Variants in PCBP3 observed in about 807,000 individuals in gnomAD.
PCBP3 encodes the protein poly(rC)-binding protein 3.
PCBP3 carries 25 observed loss-of-function variants against 52.7 expected under a neutral mutation model. The observed-to-expected ratio is 0.47, with a 90% CI of 0.35 to 0.66. The LOEUF (loss-of-function observed/expected upper bound fraction) is 0.66. PCBP3 is among the 30% of genes least tolerant of loss of function. The pLI is 0.01. For missense variants in PCBP3, 391 were observed against 490.3 expected, an observed-to-expected ratio of 0.80 and a Z score of 1.91; for synonymous variants, 162 against 183.0, an observed-to-expected ratio of 0.89 and a Z score of 0.93.
chr21:45,801,007 C>T (rs1569241135), intron 4 of PCBP3, among the ~76,000 whole-genome samples: 1 of 152,234 alleles, frequency 6.6e-6, no homozygotes, highest in Admixed American at 6.5e-5. Flanking sequence ...CCAGCATGCC[C>T]ACTCGCTCTG....
At chr21:45,733,326 G>A (rs1196369058) in intron 2 of PCBP3, among the ~76,000 whole-genome samples, 4 of 151,890 alleles carry the variant, frequency 2.6e-5, no homozygotes, top group African/African-American at 4.8e-5. Context: ...TCGCTCTGTC[G>A]CCCAGGCTGG....
At chr21:45,909,879 G>A (rs1417121207) in intron 10 of PCBP3, among the ~76,000 whole-genome samples, 2 of 50,548 alleles carry the variant, frequency 4.0e-5, no homozygotes, top group Non-Finnish European at 7.2e-5. Flanking sequence ...ATACGGACCC[G>A]GCCACCCACT....
chr21:45,856,898 C>G (rs1344600644), intron 5 of PCBP3, among the ~76,000 whole-genome samples: 2 of 152,158 alleles, frequency 1.3e-5, no homozygotes, highest in African/African-American at 2.4e-5. Flanking sequence ...TGAGGGCTTC[C>G]AGGCTATCAG....
At chr21:45,784,088 T>C (rs546294081) in intron 4 of PCBP3, among the ~76,000 whole-genome samples, 10 of 152,236 alleles carry the variant, frequency 6.6e-5, no homozygotes, top group Non-Finnish European at 1.3e-4. Context: ...GCCCCTTGTC[T>C]ACCTTGACAG....
intron 5 of PCBP3, among the ~76,000 whole-genome samples, chr21:45,889,020 T>C (rs1489832755): frequency 6.6e-6 from 1 of 152,242 alleles, no homozygotes; most frequent in Admixed American, 6.5e-5. Context: ...AAATACACCT[T>C]TATGGGCTCA....
intron 16 of PCBP3, among the ~76,000 whole-genome samples, chr21:45,936,024 C>T (rs3788240): frequency 0.14 from 21,576 of 152,210 alleles, 2,401 homozygotes; most frequent in African/African-American, 0.31. Context: ...AGGTGGCTGC[C>T]CCACTTACAG....
At chr21:45,806,588 T>A (rs1342044719) in intron 4 of PCBP3, among the ~76,000 whole-genome samples, 1 of 151,878 alleles carries the variant, frequency 6.6e-6, no homozygotes, top group East Asian at 1.9e-4. Flanking sequence ...AATTACAGAG[T>A]ACTTTTCACA....
At chr21:45,661,209 A>C (rs1384146449) in intron 1 of PCBP3, among the ~76,000 whole-genome samples, 1 of 152,194 alleles carries the variant, frequency 6.6e-6, no homozygotes, top group Admixed American at 6.5e-5. Context: ...TTACATGCAT[A>C]TATTGCATGC....
At chr21:45,756,396 G>A (rs1266189133) in intron 4 of PCBP3, among the ~76,000 whole-genome samples, 2 of 152,028 alleles carry the variant, frequency 1.3e-5, no homozygotes, top group African/African-American at 4.8e-5. Context: ...TTTCAAAATT[G>A]TTTTTCCTAT....
intron 2 of PCBP3, among the ~76,000 whole-genome samples, chr21:45,671,226 G>A (rs980658039): frequency 7.2e-5 from 11 of 152,128 alleles, no homozygotes; most frequent in Admixed American, 3.3e-4. Context: ...TCAGTCCTTC[G>A]CCTTGGCACA....
chr21:45,920,107 C>T (rs901989536), intron 13 of PCBP3, among the ~76,000 whole-genome samples: 1 of 152,162 alleles, frequency 6.6e-6, no homozygotes, highest in African/African-American at 2.4e-5. Context: ...GTGTGCGGTG[C>T]CCTTGGTAAA....
intron 5 of PCBP3, among the ~76,000 whole-genome samples, chr21:45,884,971 G>C (rs538581157): frequency 1.3e-5 from 2 of 152,328 alleles, no homozygotes; most frequent in African/African-American, 4.8e-5. Flanking sequence ...GGACTCGAGA[G>C]TGAAGCCTTT....
intron 2 of PCBP3, among the ~76,000 whole-genome samples, chr21:45,718,166 T>C (rs1380323218): frequency 6.6e-6 from 1 of 151,980 alleles, no homozygotes; most frequent in Non-Finnish European, 1.5e-5. Flanking sequence ...TTGTGATGTC[T>C]CCTCTTTCAT....
At chr21:45,689,605 AG>A (rs1434541825) in intron 2 of PCBP3, among the ~76,000 whole-genome samples, 1 of 152,094 alleles carries the variant, frequency 6.6e-6, no homozygotes, top group African/African-American at 2.4e-5. Flanking sequence ...AATAAATAAA[AG>A]GCATACATAT....
chr21:45,676,439 A>G (rs1286795242), intron 2 of PCBP3, among the ~76,000 whole-genome samples: 2 of 152,072 alleles, frequency 1.3e-5, no homozygotes, highest in African/African-American at 4.8e-5. Context: ...CCATTTTTCC[A>G]ATAGCATTGC....
rs774761058 is a variant in PCBP3, at chr21:45,827,112, G to A, written c.-125-22849G>A. 1.3e-5 allele frequency among the ~76,000 whole-genome samples: 2 copies of A among 152,148 alleles called. No homozygotes were observed. The highest frequency in any genetic ancestry group is 2.9e-5 in the Non-Finnish European group (2 of 68,036). ...GAGCGCTCCCCACTCCCGCGTCCCTGGGGACCACACGGGGACTGGAGCTCC... is the reference window on the plus strand; with the variant it reads ...GAGCGCTCCCCACTCCCGCGTCCCTAGGGACCACACGGGGACTGGAGCTCC... On this transcript the variant is annotated intron_variant, in intron 4 of 17. Transcript: ENST00000681687. This position sits in a 1 kb window ranked among gnomAD's most constrained non-coding sequence, Gnocchi z 4.3.
chr21:45,895,677 C>T (rs776567975), intron 5 of PCBP3, among the ~76,000 whole-genome samples: 1 of 152,230 alleles, frequency 6.6e-6, no homozygotes, highest in African/African-American at 2.4e-5. Flanking sequence ...GGACACCAGC[C>T]GTTTGGCAGC....
rs1446944094 is a variant in PCBP3 at position 45,694,259 on chromosome 21, ATAGAT to A, written c.-200+25310_-200+25314del. ...TTTTAGAAATACAAATTGAATGCAA[ATAGAT>A]TAAACACTCCAATTAAAATTCTAAA... On this transcript the variant is annotated intron_variant, in intron 2 of 17. Transcript: ENST00000681687. Among the ~76,000 whole-genome samples the A allele has an allele frequency of 2.6e-5, 4 of 152,320 alleles. No homozygotes were observed. The East Asian group carries it at 7.7e-4, about 29-fold the overall frequency.
At chr21:45,903,015 G>A (rs546415260) in intron 9 of PCBP3, among the ~76,000 whole-genome samples, 3 of 152,330 alleles carry the variant, frequency 2.0e-5, no homozygotes, top group Admixed American at 6.5e-5. Context: ...ACTCGAGTTT[G>A]AGTCAGAATT....
Sources: allele counts gnomAD v4.1 joint callset (sites outside exome capture counted in the v4.1 genomes callset), GRCh38; gene constraint gnomAD v4.1.1; non-coding constraint Gnocchi (gnomAD v3.1); transcripts MANE v1.5; gene names NCBI Gene and HGNC (gene_info 2026-07-23, HGNC 2026-07-21).